The following TAPT1 variants were observed in gnomAD, a reference collection of about 807,000 sequenced individuals.
TAPT1 encodes the protein transmembrane anterior posterior transformation protein 1 homolog.
A neutral mutation model predicts 65.6 loss-of-function variants in TAPT1; 28 were observed. That is an observed-to-expected ratio of 0.43 (90% confidence interval 0.32 to 0.59). The LOEUF (loss-of-function observed/expected upper bound fraction) is 0.59, where lower values mean the gene tolerates loss of function less well. Among genes scored for constraint, TAPT1 ranks in the 20% least tolerant of loss-of-function variants. The pLI is 0.09. For missense variants in TAPT1, 563 were observed against 679.9 expected (o/e 0.83, Z 1.91); for synonymous variants, 278 against 245.2 (o/e 1.13, Z -1.25).
At chr4:16,195,361 T>C (rs1334303573) in intron 3 of TAPT1, among the ~76,000 whole-genome samples, 1 of 152,208 alleles carries the variant, frequency 6.6e-6, no homozygotes, top group Admixed American at 6.5e-5. Flanking sequence ...GGCTAAGTGG[T>C]GGTTACTGGC....
At chr4:16,182,166 T>G (rs551993906) in intron 7 of TAPT1, among the ~76,000 whole-genome samples, 8 of 152,292 alleles carry the variant, frequency 5.3e-5, no homozygotes, top group South Asian at 2.1e-4. Flanking sequence ...AAATCAAGAT[T>G]TGACTTTTAA....
intron 8 of TAPT1, among the ~76,000 whole-genome samples, chr4:16,178,262 GC>G (rs969262359): frequency 6.6e-6 from 1 of 152,174 alleles, no homozygotes; most frequent in African/African-American, 2.4e-5. Context: ...TGCTCGAGCT[GC>G]TGTGAGATGT....
chr4:16,170,279 C>G (rs1257403136), intron 12 of TAPT1, among the ~76,000 whole-genome samples: 1 of 152,172 alleles, frequency 6.6e-6, no homozygotes, highest in Non-Finnish European at 1.5e-5. Context: ...TGATGCCTGC[C>G]TACAGTGTGC....
At chr4:16,203,904 T>C (rs534420096) in intron 2 of TAPT1, among the ~76,000 whole-genome samples, 1 of 152,346 alleles carries the variant, frequency 6.6e-6, no homozygotes, top group South Asian at 2.1e-4. Context: ...AATCTGAATA[T>C]ATAGGCCCTT....
intron 4 of TAPT1, among the ~76,000 whole-genome samples, chr4:16,189,280 C>T (rs1227101362): frequency 6.6e-6 from 1 of 152,154 alleles, no homozygotes; most frequent in Non-Finnish European, 1.5e-5. Flanking sequence ...ATGGTCTCTA[C>T]TGCCTTAGTC....
chr4:16,214,553 G>C (rs1750826494), intron 1 of TAPT1: 1 of 152,152 alleles, frequency 6.6e-6, no homozygotes, highest in African/African-American at 2.4e-5. Flanking sequence ...TTACTCCATA[G>C]TTATCTCATC....
At chr4:16,208,775 A>C (rs1405738659) in intron 2 of TAPT1, among the ~76,000 whole-genome samples, 1 of 152,348 alleles carries the variant, frequency 6.6e-6, no homozygotes, top group Non-Finnish European at 1.5e-5. Flanking sequence ...ATACAGCTAA[A>C]AGCATTCCTA....
intron 7 of TAPT1, among the ~76,000 whole-genome samples, chr4:16,182,042 G>T (rs1748741645): frequency 6.6e-6 from 1 of 152,124 alleles, no homozygotes; most frequent in South Asian, 2.1e-4. Context: ...ATAAGATAAA[G>T]ATACAAAACT....
intron 8 of TAPT1, chr4:16,179,259 C>G (rs561710715): frequency 3.6e-5 from 8 of 222,738 alleles, no homozygotes; most frequent in Non-Finnish European, 5.2e-5. Context: ...CAGCACGTTA[C>G]CATACTGAAT....
At chr4:16,180,393 TAA>T (rs937031348) in intron 7 of TAPT1, among the ~76,000 whole-genome samples, 5 of 152,184 alleles carry the variant, frequency 3.3e-5, no homozygotes, top group African/African-American at 1.2e-4. Flanking sequence ...TGTCTGCAGT[TAA>T]GAGTGGCACA....
At chr4:16,179,804 G>GTGTGTGTATATATATATATATATATA (rs1748600686) in intron 7 of TAPT1, 147 bp from the exon 8 acceptor site, 2 of 110,918 alleles carry the variant, frequency 1.8e-5, no homozygotes, top group African/African-American at 7.9e-5. Flanking sequence ...ATATATATAT[G>GTGTGTGTATATATATATATATATATA]TGTGTGTGTG....
intron 7 of TAPT1, among the ~76,000 whole-genome samples, chr4:16,182,252 A>C (rs1748751875): frequency 6.6e-6 from 1 of 152,228 alleles, no homozygotes; most frequent in African/African-American, 2.4e-5. Context: ...TTTTATGAGA[A>C]TAACAGAGTC....
chr4:16,201,573 C>G (rs566862094), intron 3 of TAPT1, among the ~76,000 whole-genome samples: 1 of 152,028 alleles, frequency 6.6e-6, no homozygotes, highest in Non-Finnish European at 1.5e-5. Context: ...GGAGACACAC[C>G]GGCATAATTG....
chr4:16,226,528 T>TCGCCC (rs1186193240), upstream of TAPT1: 714 of 886,480 alleles, frequency 8.1e-4, 4 homozygotes, highest in African/African-American at 0.012. Context: ...CCTCCCCGCC[T>TCGCCC]CGCCCCGCCC....
chr4:16,165,569 CAAA>C (rs75616266), intron 13 of TAPT1, among the ~76,000 whole-genome samples: 12 of 92,342 alleles, frequency 1.3e-4, no homozygotes, highest in African/African-American at 2.0e-4. Flanking sequence ...AACTCCGTCT[CAAA>C]AAAAAAAAAA....
chr4:16,219,789 GAA>G (rs1751145989), intron 1 of TAPT1, among the ~76,000 whole-genome samples: 1 of 152,126 alleles, frequency 6.6e-6, no homozygotes, highest in Non-Finnish European at 1.5e-5. Context: ...TTCATATTAT[GAA>G]AAAACTGAGG....
chr4:16,223,324 A>C (rs1751366183), intron 1 of TAPT1, among the ~76,000 whole-genome samples: 1 of 152,244 alleles, frequency 6.6e-6, no homozygotes, highest in African/African-American at 2.4e-5. Context: ...AACAAGCACA[A>C]AAACATAACA....
At chr4:16,210,330 TG>T (rs1431166379) in intron 2 of TAPT1, among the ~76,000 whole-genome samples, 1 of 152,156 alleles carries the variant, frequency 6.6e-6, no homozygotes, top group African/African-American at 2.4e-5. Flanking sequence ...GAGATAAAAC[TG>T]GGACACAGGG....
At chr4:16,211,190 GA>G (rs1750633905) in intron 2 of TAPT1, among the ~76,000 whole-genome samples, 1 of 149,356 alleles carries the variant, frequency 6.7e-6, no homozygotes, top group African/African-American at 2.5e-5. Context: ...TTCTCTTCCT[GA>G]AAAGGTTAGG....
Sources: allele counts gnomAD v4.1 joint callset (sites outside exome capture counted in the v4.1 genomes callset), GRCh38; gene constraint gnomAD v4.1.1; transcripts MANE v1.5; gene names NCBI Gene and HGNC (gene_info 2026-07-23, HGNC 2026-07-21).